FHIP1A: variants seen among roughly 807,000 people sequenced by gnomAD.
The protein encoded by FHIP1A is FHF complex subunit HOOK interacting protein 1A.
FHIP1A carries 61 observed loss-of-function variants against 88.6 expected under a neutral mutation model. The ratio of observed to expected loss-of-function variants is 0.69; its 90% confidence interval spans 0.56 to 0.85. FHIP1A has a LOEUF of 0.85. FHIP1A is among the 40% of genes least tolerant of loss of function. FHIP1A has a pLI of 0.00. For missense variants in FHIP1A, 1,154 were observed against 1,273.5 expected (o/e 0.91, Z 1.43); for synonymous variants, 478 against 496.0 (o/e 0.96, Z 0.48).
intron 3 of FHIP1A, among the ~76,000 whole-genome samples, chr4:151,513,926 T>C (rs921291096): frequency 1.8e-4 from 27 of 150,354 alleles, no homozygotes; most frequent in South Asian, 4.3e-4. Flanking sequence ...TACCCAGGAA[T>C]TGAACTCAGC....
intron 1 of FHIP1A, among the ~76,000 whole-genome samples, chr4:151,437,829 A>G (rs1279880527): frequency 6.6e-6 from 1 of 152,218 alleles, no homozygotes; most frequent in Non-Finnish European, 1.5e-5. Context: ...TCAACTTTAG[A>G]CATACAGTTG....
At chr4:151,506,835 A>G (rs571491885) in intron 3 of FHIP1A, among the ~76,000 whole-genome samples, 1 of 152,352 alleles carries the variant, frequency 6.6e-6, no homozygotes, top group South Asian at 2.1e-4. Context: ...GAATTAACAT[A>G]AAAATATGAA....
At chr4:151,413,030 T>C (rs1732739975) in intron 1 of FHIP1A, among the ~76,000 whole-genome samples, 1 of 152,110 alleles carries the variant, frequency 6.6e-6, no homozygotes. Context: ...GGAGACAGGA[T>C]GACAGGACTA....
chr4:151,638,351 G>GTGTGTGTGTGT (rs1256442480), intron 8 of FHIP1A, among the ~76,000 whole-genome samples: 8 of 147,882 alleles, frequency 5.4e-5, no homozygotes, highest in Non-Finnish European at 1.2e-4. Context: ...GTGTGTATGT[G>GTGTGTGTGTGT]AGAGAGAGAG....
At position 151,638,680 on chromosome 4, in the gene FHIP1A, T is replaced by G. The variant is rs1736457413; in HGVS notation, c.1150T>G (p.Cys384Gly). ...ATGTGTGTCTCTTGCTTCCCAGCTTTGTGTGGTGTCTCTGGCATTATTCAG... is the reference window on the plus strand; with the variant it reads ...ATGTGTGTCTCTTGCTTCCCAGCTTGGTGTGGTGTCTCTGGCATTATTCAG... ...TSRINTPFRL[C>G]VVSLALFRTL... The change falls in exon 9 of 14, where the codon TGT becomes GGT. Residue 384 changes from cysteine to glycine, a missense_variant. Transcript: ENST00000435205. The G allele has an allele frequency of 1.3e-6, 2 of 1,546,060 alleles. No individual in the cohort carries two copies. The highest frequency in any genetic ancestry group is 1.8e-6 in the Non-Finnish European group (2 of 1,142,528).
chr4:151,452,326 C>T lies in FHIP1A; in HGVS notation c.-355-2375C>T, dbSNP rs555011395. 9.9e-5 allele frequency among the ~76,000 whole-genome samples: 15 copies of T among 152,204 alleles called. No individual in the cohort carries two copies. The South Asian group carries it at 1.2e-3, about 13-fold the overall frequency. On this transcript the variant is annotated intron_variant, in intron 1 of 13. Transcript: ENST00000435205. ...CTGTATTCTGGCAGATAAAAATGTC[C>T]GTGCTTGGAAAATATGGACACCTTA...
chr4:151,632,185 C>CA (rs1173783926), intron 8 of FHIP1A, among the ~76,000 whole-genome samples: 1 of 150,998 alleles, frequency 6.6e-6, no homozygotes, highest in African/African-American at 2.4e-5. Flanking sequence ...GATAAAGAGA[C>CA]AAAAAAGGAC....
intron 1 of FHIP1A, among the ~76,000 whole-genome samples, chr4:151,429,539 T>G (rs1733512982): frequency 6.6e-6 from 1 of 152,212 alleles, no homozygotes; most frequent in African/African-American, 2.4e-5. Context: ...ACATAAAGGA[T>G]GAAAGCACTT....
intron 3 of FHIP1A, among the ~76,000 whole-genome samples, chr4:151,487,449 C>T (rs1163419999): frequency 2.0e-5 from 3 of 152,138 alleles, no homozygotes; most frequent in Admixed American, 2.0e-4. Context: ...GCTCAGACAT[C>T]ACCTTAGCGT....
intron 7 of FHIP1A, among the ~76,000 whole-genome samples, chr4:151,622,629 C>T (rs768770432): frequency 6.6e-6 from 1 of 152,100 alleles, no homozygotes; most frequent in Non-Finnish European, 1.5e-5. Flanking sequence ...TAGTTGCATA[C>T]TCGGTGCTCA....
intron 9 of FHIP1A, among the ~76,000 whole-genome samples, chr4:151,641,093 C>T (rs1351720416): frequency 6.6e-6 from 1 of 151,750 alleles, no homozygotes; most frequent in Non-Finnish European, 1.5e-5. Context: ...AGGAGATGGG[C>T]TTGACTGCCT....
intron 5 of FHIP1A, among the ~76,000 whole-genome samples, chr4:151,583,856 A>G (rs546574984): frequency 5.7e-4 from 87 of 152,330 alleles, no homozygotes; most frequent in Non-Finnish European, 5.0e-4. Context: ...CAAAACTGGA[A>G]TTAAAGTGAT....
intron 2 of FHIP1A, among the ~76,000 whole-genome samples, chr4:151,475,320 G>T (rs1202050743): frequency 1.3e-5 from 2 of 152,170 alleles, no homozygotes; most frequent in African/African-American, 4.8e-5. Flanking sequence ...TAAACATTTT[G>T]TGTATTTTCC....
chr4:151,499,963 G>C (rs148066968), intron 3 of FHIP1A, among the ~76,000 whole-genome samples: 3 of 152,210 alleles, frequency 2.0e-5, no homozygotes, highest in African/African-American at 7.2e-5. Context: ...AACCATATGA[G>C]TCCCCCTCCA....
intron 11 of FHIP1A, among the ~76,000 whole-genome samples, chr4:151,651,098 C>A (rs140987565): frequency 8.7e-4 from 133 of 152,260 alleles, no homozygotes; most frequent in African/African-American, 3.1e-3. Context: ...ACATCAGAGG[C>A]ATTGGGGTTA....
At chr4:151,608,891 T>TA (rs1373266657) in intron 7 of FHIP1A, among the ~76,000 whole-genome samples, 1 of 152,192 alleles carries the variant, frequency 6.6e-6, no homozygotes, top group Non-Finnish European at 1.5e-5. Context: ...TAGTAGTATC[T>TA]AAAGGCGAGT....
intron 3 of FHIP1A, among the ~76,000 whole-genome samples, chr4:151,492,011 T>G (rs1405597059): frequency 6.6e-6 from 1 of 152,140 alleles, no homozygotes; most frequent in Non-Finnish European, 1.5e-5. Flanking sequence ...AAAAAATTAC[T>G]ACTACACCTA....
In FHIP1A at chr4:151,649,635, C is replaced by T. The variant is rs190685739; in HGVS notation, c.1594C>T (p.Pro532Ser). ...SALYDGDSPD[P>S]EMFLQSLTEE... ...CCTGTATGATGGCGACTCCCCCGAC[C>T]CTGAGATGTTTCTCCAGAGTCTGAC... is the stretch of plus-strand genomic sequence containing the variant. Residue 532 changes from proline (P) to serine (S), a missense_variant, in exon 11 of 14, where the codon CCT becomes TCT. Coordinates refer to ENST00000435205, the MANE Select transcript of FHIP1A (RefSeq NM_001109977.3). 1 of 1,551,570 alleles carries T rather than the reference C, an allele frequency of 6.4e-7. No individual in the cohort carries two copies. The highest frequency in any genetic ancestry group is 8.7e-7 in the Non-Finnish European group (1 of 1,146,986).
chr4:151,612,466 C>T (rs62327270), intron 7 of FHIP1A, among the ~76,000 whole-genome samples: 42,904 of 152,078 alleles, frequency 0.28, 6,340 homozygotes, highest in Non-Finnish European at 0.33. Flanking sequence ...CTGCAACCTC[C>T]GCCTTCCGGC....
Sources: allele counts gnomAD v4.1 joint callset (sites outside exome capture counted in the v4.1 genomes callset), GRCh38; gene constraint gnomAD v4.1.1; transcripts MANE v1.5; gene names NCBI Gene and HGNC (gene_info 2026-07-23, HGNC 2026-07-21).